The following EBF1 variants were observed in gnomAD, a reference collection of about 807,000 sequenced individuals.
EBF1 encodes the protein transcription factor COE1.
Under a neutral mutation model 68.4 loss-of-function variants are expected in EBF1, and 10 were observed. That is an observed-to-expected ratio of 0.15 (90% CI 0.09 to 0.25). The LOEUF (loss-of-function observed/expected upper bound fraction) is 0.25, where lower values mean the gene tolerates loss of function less well. EBF1 is among the 10% of genes least tolerant of loss of function. The pLI, the probability that EBF1 is intolerant of heterozygous loss-of-function variation, is 1.00. For synonymous variants in EBF1, 298 were observed against 299.8 expected, an observed-to-expected ratio of 0.99 and a Z score of 0.06; for missense variants, 509 against 794.4, an observed-to-expected ratio of 0.64 and a Z score of 4.32.
chr5:158,971,488 C>A (rs1188385823), intron 6 of EBF1, among the ~76,000 whole-genome samples: 1 of 152,212 alleles, frequency 6.6e-6, no homozygotes. Context: ...AGGGGACTGC[C>A]TTCTTGGAGT....
At chr5:158,717,806 A>G (rs1199831377) in intron 11 of EBF1, among the ~76,000 whole-genome samples, 1 of 152,096 alleles carries the variant, frequency 6.6e-6, no homozygotes, top group East Asian at 1.9e-4. Context: ...AGATACAAAA[A>G]AGCTTTACTC....
chr5:158,831,407 T>G (rs1053414989), intron 7 of EBF1, among the ~76,000 whole-genome samples: 44 of 152,166 alleles, frequency 2.9e-4, no homozygotes, highest in Admixed American at 2.4e-3. Context: ...GCCTACCATG[T>G]GCCAAACATT....
At chr5:158,797,449 G>A (rs1779791083) in intron 8 of EBF1, among the ~76,000 whole-genome samples, 1 of 152,126 alleles carries the variant, frequency 6.6e-6, no homozygotes, top group Non-Finnish European at 1.5e-5. Context: ...CATCCTAAAG[G>A]GAGATATTGT....
At chr5:159,051,444 C>T (rs913185772) in intron 6 of EBF1, among the ~76,000 whole-genome samples, 2 of 140,580 alleles carry the variant, frequency 1.4e-5, no homozygotes, top group African/African-American at 2.6e-5. Flanking sequence ...CCCACCCCCC[C>T]ACCCCGCCGC....
At position 158,696,238 on chromosome 5, in the gene EBF1, C is replaced by T. The variant is rs1399970244; in HGVS notation, c.*2873G>A. The T allele has an allele frequency of 1.4e-5, 3 of 219,000 alleles. No homozygotes were observed. Among genetic ancestry groups the T allele is most frequent in the African/African-American group, 6.8e-5 (3 of 44,432 alleles). 13.6% of individuals were successfully genotyped at this position (219,000 alleles called of 1,614,324 possible). A position where few individuals can be genotyped will look rare whatever the true frequency, so the allele number is the denominator to read the frequency against. On this transcript the variant is annotated 3_prime_UTR_variant, in exon 16 of 16. Transcript: ENST00000313708. ...ATTTAATTCTTCATTTCATTTTCTT[C>T]TTAAAGCCATATTCTGTATTTAGGG...
At chr5:158,894,702 T>C (rs1801838991) in intron 6 of EBF1, among the ~76,000 whole-genome samples, 1 of 152,240 alleles carries the variant, frequency 6.6e-6, no homozygotes, top group South Asian at 2.1e-4. Context: ...GGCCATTTAC[T>C]GTGTCACCTG....
intron 7 of EBF1, among the ~76,000 whole-genome samples, chr5:158,834,507 TA>T (rs72321019): frequency 0.12 from 17,349 of 144,324 alleles, 1,003 homozygotes; most frequent in East Asian, 0.17. Flanking sequence ...CATTGTAAAT[TA>T]AAAAAAAAAA....
At chr5:158,866,417 C>A (rs1436412788) in intron 6 of EBF1, among the ~76,000 whole-genome samples, 1 of 152,138 alleles carries the variant, frequency 6.6e-6, no homozygotes, top group Admixed American at 6.5e-5. Context: ...ACCCTTCCAG[C>A]CTAATATTTG....
intron 6 of EBF1, among the ~76,000 whole-genome samples, chr5:158,995,966 T>C (rs2127625368): frequency 1.3e-5 from 2 of 152,206 alleles, no homozygotes; most frequent in South Asian, 4.2e-4. Context: ...CGGTGTCAAG[T>C]GCTGCATGAA....
intron 10 of EBF1, among the ~76,000 whole-genome samples, chr5:158,743,697 C>T (rs907652781): frequency 3.1e-4 from 47 of 152,036 alleles, no homozygotes; most frequent in African/African-American, 9.2e-4. Flanking sequence ...TAAGGCAATA[C>T]GAAGAATGGG....
chr5:158,850,522 TG>T (rs1792423721), intron 6 of EBF1, among the ~76,000 whole-genome samples: 1 of 152,220 alleles, frequency 6.6e-6, no homozygotes, highest in South Asian at 2.1e-4. Flanking sequence ...CTCTTTCCTG[TG>T]GGATGAGTCC....
At chr5:158,713,662 G>T (rs1759978890) in intron 12 of EBF1, among the ~76,000 whole-genome samples, 1 of 152,180 alleles carries the variant, frequency 6.6e-6, no homozygotes, top group South Asian at 2.1e-4. Context: ...ACATGAAAAA[G>T]GAGTGAATGG....
chr5:159,097,052 G>A lies in EBF1; in HGVS notation c.213C>T (p.Val71=). 2.5e-6 allele frequency: 4 copies of A among 1,614,060 alleles called. No individual in the cohort carries two copies. Among genetic ancestry groups the A allele is most frequent in the Non-Finnish European group, 3.4e-6 (4 of 1,179,992 alleles). The change falls in exon 2 of 16, where the codon GTC becomes GTT. Residue 71 remains valine (V), a synonymous_variant. Coordinates refer to ENST00000313708, the MANE Select transcript of EBF1 (RefSeq NM_024007.5). ...GGCCCTGTCTGTCGTAGAGGGCCAG[G>A]ACGAAGTGGAAGAAGTTGGATTTCC... ...NLRKSNFFHF[V]LALYDRQGQP...
chr5:158,818,934 A>G (rs937005571), intron 8 of EBF1, among the ~76,000 whole-genome samples: 2 of 89,160 alleles, frequency 2.2e-5, no homozygotes, highest in African/African-American at 1.1e-4. Context: ...AAACAATAAC[A>G]AAAAAAAAAA....
intron 10 of EBF1, among the ~76,000 whole-genome samples, chr5:158,738,625 A>G (rs2127564117): frequency 6.6e-6 from 1 of 152,358 alleles, no homozygotes; most frequent in South Asian, 2.1e-4. Context: ...CTTGGTTCCT[A>G]CAATATGCCC....
chr5:158,736,117 C>T (rs1349507390), intron 10 of EBF1, among the ~76,000 whole-genome samples: 1 of 152,154 alleles, frequency 6.6e-6, no homozygotes, highest in Admixed American at 6.5e-5. Flanking sequence ...AAATCCACTT[C>T]ACAAACACAT....
At chr5:159,012,758 C>G (rs1435832668) in intron 6 of EBF1, among the ~76,000 whole-genome samples, 1 of 152,138 alleles carries the variant, frequency 6.6e-6, no homozygotes, top group Non-Finnish European at 1.5e-5. Flanking sequence ...CTTGGCAACC[C>G]AAAGTGCTGG....
At chr5:158,894,765 C>A (rs2127254403) in intron 6 of EBF1, among the ~76,000 whole-genome samples, 1 of 152,244 alleles carries the variant, frequency 6.6e-6, no homozygotes, top group Admixed American at 6.5e-5. Flanking sequence ...TAAAATGGGA[C>A]TCATGCTTGC....
intron 6 of EBF1, among the ~76,000 whole-genome samples, chr5:159,028,323 A>G (rs1258095246): frequency 2.0e-5 from 3 of 152,200 alleles, no homozygotes; most frequent in African/African-American, 7.2e-5. Flanking sequence ...GAGTAAACCC[A>G]ATAAATATAC....
Sources: allele counts gnomAD v4.1 joint callset (sites outside exome capture counted in the v4.1 genomes callset), GRCh38; gene constraint gnomAD v4.1.1; transcripts MANE v1.5; gene names NCBI Gene and HGNC (gene_info 2026-07-23, HGNC 2026-07-21).